Variants in FRMD4A observed in about 807,000 individuals in gnomAD.
FRMD4A encodes FERM domain containing 4A.
In FRMD4A, 29 loss-of-function variants were observed where a neutral mutation model predicts 129.1. The observed-to-expected ratio is 0.22, with a 90% CI of 0.17 to 0.31. The LOEUF is 0.31. Ranked by LOEUF, FRMD4A falls within the 10% of genes least tolerant of loss-of-function variation. The pLI is 1.00. For missense variants in FRMD4A, 1,272 were observed against 1,375.8 expected, an observed-to-expected ratio of 0.92 and a Z score of 1.19; for synonymous variants, 634 against 571.6, an observed-to-expected ratio of 1.11 and a Z score of -1.56.
At chr10:13,975,273 C>T (rs1222514422) in intron 2 of FRMD4A, among the ~76,000 whole-genome samples, 2 of 150,740 alleles carry the variant, frequency 1.3e-5, no homozygotes, top group East Asian at 3.9e-4. Flanking sequence ...GTGTCTGTGT[C>T]TGTGTATATG....
chr10:14,051,796 A>T (rs1200654222), intron 2 of FRMD4A, among the ~76,000 whole-genome samples: 1 of 152,212 alleles, frequency 6.6e-6, no homozygotes. Flanking sequence ...TCTTCAGGAA[A>T]GGGCCCTGAG....
intron 2 of FRMD4A, among the ~76,000 whole-genome samples, chr10:13,881,466 C>A (rs79017555): frequency 0.013 from 2,018 of 152,166 alleles, 31 homozygotes; most frequent in East Asian, 0.067. Flanking sequence ...TATCCTTATT[C>A]TCTTCCCATT....
At chr10:13,677,856 T>C (rs1288562593) in intron 15 of FRMD4A, among the ~76,000 whole-genome samples, 1 of 152,238 alleles carries the variant, frequency 6.6e-6, no homozygotes, top group Non-Finnish European at 1.5e-5. Context: ...GAAGTCAGAC[T>C]TTAGATTTAA....
rs940425158 is a variant in FRMD4A, at chr10:13,964,531, A to G, written c.46-105619T>C. Among the ~76,000 whole-genome samples, 52 of 152,288 alleles carry G rather than the reference A, an allele frequency of 3.4e-4. 1 individual carries two copies. Among genetic ancestry groups the G allele is most frequent in the African/African-American group, 1.0e-3 (42 of 41,568 alleles). On this transcript the variant is annotated intron_variant, in intron 2 of 24. Coordinates refer to ENST00000357447, the MANE Select transcript of FRMD4A (RefSeq NM_018027.5). ...CAGAGGTCGATTTGTCATGAAACCA[A>G]TGAAGCTTAAACTTCAGGGTTCCTC...
intron 2 of FRMD4A, among the ~76,000 whole-genome samples, chr10:14,220,812 TTGTG>T (rs60118766): frequency 4.9e-4 from 22 of 45,356 alleles, no homozygotes; most frequent in African/African-American, 9.0e-4. Flanking sequence ...GTGTGTGTGT[TTGTG>T]TGTGTGTGTG....
intron 2 of FRMD4A, among the ~76,000 whole-genome samples, chr10:14,248,461 T>G (rs1222630033): frequency 9.1e-6 from 1 of 110,264 alleles, no homozygotes; most frequent in East Asian, 2.9e-4. Context: ...CTAGAGCCAA[T>G]TTTAGAGTCA....
intron 4 of FRMD4A, among the ~76,000 whole-genome samples, chr10:13,802,190 T>G (rs2093270816): frequency 6.6e-6 from 1 of 152,234 alleles, no homozygotes; most frequent in Non-Finnish European, 1.5e-5. Flanking sequence ...CGCATTCATT[T>G]AAGATATTGC....
chr10:13,972,224 G>C, intron 2 of FRMD4A: 3 of 1,005,822 alleles, frequency 3.0e-6, no homozygotes, highest in Non-Finnish European at 3.6e-6. Context: ...TCCAGGGTGA[G>C]AAAGCTAAGA....
chr10:13,907,520 C>T (rs1182849299), intron 2 of FRMD4A, among the ~76,000 whole-genome samples: 6 of 152,086 alleles, frequency 3.9e-5, no homozygotes, highest in South Asian at 2.1e-4. Flanking sequence ...CCACAACCGC[C>T]GATTCTTACA....
At chr10:14,076,111 C>T (rs1588918683) in intron 2 of FRMD4A, among the ~76,000 whole-genome samples, 1 of 152,150 alleles carries the variant, frequency 6.6e-6, no homozygotes, top group Non-Finnish European at 1.5e-5. Context: ...AAGGCTGGCT[C>T]ACTATGCACC....
intron 2 of FRMD4A, among the ~76,000 whole-genome samples, chr10:14,195,837 G>A (rs534670984): frequency 3.9e-5 from 6 of 152,278 alleles, no homozygotes; most frequent in East Asian, 3.9e-4. Flanking sequence ...TATAGAGAAG[G>A]TGCCTGTTGT....
intron 8 of FRMD4A, among the ~76,000 whole-genome samples, chr10:13,757,152 G>A (rs2130681114): frequency 6.6e-6 from 1 of 152,312 alleles, no homozygotes; most frequent in Admixed American, 6.5e-5. Flanking sequence ...AACTGCATCG[G>A]TTCTTGTCTT....
intron 2 of FRMD4A, among the ~76,000 whole-genome samples, chr10:13,886,081 T>C (rs1471929267): frequency 6.6e-6 from 1 of 152,190 alleles, no homozygotes; most frequent in Non-Finnish European, 1.5e-5. Context: ...TTGGGTTTTA[T>C]CACATCTATA....
In FRMD4A at chr10:13,737,948, G is replaced by C; in HGVS notation, c.673-18C>G. ...TGCTTGTCCTAGGATATCAAAAAAA[G>C]TTTGGGTGAATATGGGACTGGAGGA... On this transcript the variant is annotated intron_variant, in intron 11 of 24. Transcript: ENST00000357447. 6.9e-7 allele frequency: 1 copy of C among 1,459,810 alleles called. No individual in the cohort carries two copies. The highest frequency in any genetic ancestry group is 1.4e-5 in the African/African-American group (1 of 72,132). The allele number at this position is 1,459,810 out of a possible 1,614,324, so 90.4% of individuals were successfully genotyped here.
chr10:14,011,836 C>G (rs558117636), intron 2 of FRMD4A, among the ~76,000 whole-genome samples: 1 of 152,014 alleles, frequency 6.6e-6, no homozygotes, highest in Non-Finnish European at 1.5e-5. Flanking sequence ...TAGTGAAACC[C>G]CGTCTCTACT....
chr10:13,983,756 T>G (rs1037169221), intron 2 of FRMD4A, among the ~76,000 whole-genome samples: 18 of 151,922 alleles, frequency 1.2e-4, no homozygotes, highest in African/African-American at 3.9e-4. Context: ...TCCCAGCTCT[T>G]TGGGAGGCCG....
intron 4 of FRMD4A, among the ~76,000 whole-genome samples, chr10:13,807,252 CAG>C (rs2093371366): frequency 6.6e-6 from 1 of 152,190 alleles, no homozygotes; most frequent in African/African-American, 2.4e-5. Flanking sequence ...TTTCTGAGGA[CAG>C]AGTTAGTAAA....
At chr10:13,925,335 T>G (rs919137554) in intron 2 of FRMD4A, among the ~76,000 whole-genome samples, 4 of 152,078 alleles carry the variant, frequency 2.6e-5, no homozygotes, top group African/African-American at 9.7e-5. Flanking sequence ...ACCACTTCTA[T>G]TATCAATCAA....
chr10:13,871,772 C>T (rs922430139), intron 2 of FRMD4A, among the ~76,000 whole-genome samples: 23 of 152,300 alleles, frequency 1.5e-4, no homozygotes, highest in East Asian at 1.2e-3. Flanking sequence ...GGATGCCAAG[C>T]GTGGGAAGGA....
Sources: gnomAD v4.1 joint callset for allele counts (sites outside exome capture counted in the v4.1 genomes callset) on GRCh38, gnomAD v4.1.1 for gene constraint, MANE v1.5 for transcripts, NCBI Gene and HGNC (gene_info 2026-07-23, HGNC 2026-07-21) for gene names.